Variants in MEI1 observed in about 807,000 individuals in gnomAD.
MEI1 encodes the protein meiosis inhibitor protein 1.
MEI1 carries 103 observed loss-of-function variants against 146.2 expected under a neutral mutation model. That is an observed-to-expected ratio of 0.70 (90% confidence interval 0.60 to 0.83). The LOEUF is 0.83. Among genes scored for constraint, MEI1 ranks in the 40% least tolerant of loss-of-function variants. The pLI is 0.00. For missense variants in MEI1, 1,529 were observed against 1,533.0 expected (o/e 1.00, Z 0.04); for synonymous variants, 652 against 628.2 (o/e 1.04, Z -0.57).
chr22:41,752,659 TG>T lies in MEI1; in HGVS notation c.1853+10del. The T allele has an allele frequency of 6.3e-7, 1 of 1,589,310 alleles. No homozygotes were observed. Among genetic ancestry groups the T allele is most frequent in the Non-Finnish European group, 8.6e-7 (1 of 1,167,762 alleles). On this transcript the variant is annotated intron_variant, in intron 16 of 30. Coordinates refer to ENST00000401548, the MANE Select transcript of MEI1 (RefSeq NM_152513.4). ...GTTTTGCAGTGGTCTGAGGTATGTG[TG>T]GTCCCAGGCAAGATTGAGTGGCCAA...
At chr22:41,704,948 T>C (rs573597563) in intron 2 of MEI1, among the ~76,000 whole-genome samples, 1 of 149,984 alleles carries the variant, frequency 6.7e-6, no homozygotes, top group East Asian at 2.0e-4. Flanking sequence ...TCTCCTGACC[T>C]CGTGATCCAC....
At chr22:41,705,312 C>T (rs751225314) in intron 2 of MEI1, among the ~76,000 whole-genome samples, 192 bp from the exon 3 acceptor site, 2 of 151,906 alleles carry the variant, frequency 1.3e-5, no homozygotes. Context: ...GCTGGGACTA[C>T]AGGCACAGGC....
At chr22:41,726,726 A>C (rs1209850244) in intron 7 of MEI1, among the ~76,000 whole-genome samples, 1 of 151,352 alleles carries the variant, frequency 6.6e-6, no homozygotes, top group African/African-American at 2.4e-5. Context: ...TAGCATCTTA[A>C]GATACAATAT....
intron 7 of MEI1, among the ~76,000 whole-genome samples, chr22:41,727,427 A>G (rs1029762639): frequency 5.9e-5 from 9 of 152,216 alleles, no homozygotes; most frequent in South Asian, 2.1e-4. Flanking sequence ...TCAGAGTGCA[A>G]TGGAAATTCA....
chr22:41,713,483 GA>G (rs57285035), intron 3 of MEI1, among the ~76,000 whole-genome samples: 7 of 146,436 alleles, frequency 4.8e-5, no homozygotes, highest in Admixed American at 6.8e-5. Context: ...AAAATCAAAA[GA>G]AAAAAAAAAA....
intron 9 of MEI1, among the ~76,000 whole-genome samples, chr22:41,731,383 C>T (rs1303824334): frequency 6.6e-6 from 1 of 151,770 alleles, no homozygotes. Context: ...GAGTCCTGCT[C>T]TGTCACCCAG....
At chr22:41,764,027 C>T (rs943733372) in intron 19 of MEI1, among the ~76,000 whole-genome samples, 2 of 143,588 alleles carry the variant, frequency 1.4e-5, no homozygotes, top group Non-Finnish European at 3.0e-5. Context: ...GTGGCAGGAT[C>T]GCTGCTGACC....
intron 6 of MEI1, among the ~76,000 whole-genome samples, chr22:41,721,545 G>A (rs1241162932): frequency 2.6e-5 from 3 of 117,562 alleles, no homozygotes; most frequent in Admixed American, 8.3e-5. Context: ...TGCCCAGCCC[G>A]TGCCTGGCTA....
chr22:41,766,170 G>A (rs1315953574), intron 19 of MEI1, among the ~76,000 whole-genome samples: 2 of 120,834 alleles, frequency 1.7e-5, no homozygotes, highest in East Asian at 5.1e-4. Context: ...CCACCGTGCC[G>A]GCCATACGGT....
intron 6 of MEI1, among the ~76,000 whole-genome samples, chr22:41,718,708 A>G (rs2070443630): frequency 6.6e-6 from 1 of 152,122 alleles, no homozygotes; most frequent in Non-Finnish European, 1.5e-5. Context: ...ATAATGAAAA[A>G]CTTATTGGTT....
intron 27 of MEI1, 23 bp from the exon 28 acceptor site, chr22:41,794,348 T>G: frequency 6.2e-7 from 1 of 1,603,680 alleles, no homozygotes; most frequent in Non-Finnish European, 8.5e-7. Flanking sequence ...TTGGAAGCAT[T>G]AACAACCCAG....
At chr22:41,715,897 G>C in intron 4 of MEI1, 144 bp from the exon 5 acceptor site, 2 of 604,314 alleles carry the variant, frequency 3.3e-6, no homozygotes, top group Non-Finnish European at 5.9e-6. Flanking sequence ...GGGGGAGCTG[G>C]ACACTAAGCT....
At chr22:41,791,898 A>G (rs550145715) in intron 26 of MEI1, among the ~76,000 whole-genome samples, 5 of 152,366 alleles carry the variant, frequency 3.3e-5, no homozygotes, top group African/African-American at 1.2e-4. Flanking sequence ...AAGAGCACAT[A>G]TTATGATTCT....
intron 1 of MEI1, among the ~76,000 whole-genome samples, chr22:41,700,749 ATTTTT>A (rs78862314): frequency 1.8e-4 from 21 of 117,640 alleles, no homozygotes; most frequent in South Asian, 1.3e-3. Context: ...GCAGTTCTCA[ATTTTT>A]TTTTTTTTTT....
rs944966125 is a variant in MEI1 at position 41,705,855 on chromosome 22, C to T, written c.349+301C>T. On this transcript the variant is annotated intron_variant, in intron 3 of 30. Transcript: ENST00000401548. ...CCCGAGTAGCTGGGATTACAGGCATCTGCCACCACACCCAGCTAATTTTTG... is the reference window on the plus strand; with the variant it reads ...CCCGAGTAGCTGGGATTACAGGCATTTGCCACCACACCCAGCTAATTTTTG... Among the ~76,000 whole-genome samples the T allele has an allele frequency of 2.7e-5, 4 of 150,638 alleles. No individual in the cohort carries two copies. In the East Asian group the frequency reaches 7.9e-4, roughly 30 times the overall value.
At chr22:41,763,843 C>T (rs2074668077) in intron 19 of MEI1, among the ~76,000 whole-genome samples, 1 of 151,952 alleles carries the variant, frequency 6.6e-6, no homozygotes, top group African/African-American at 2.4e-5. Context: ...TTTTTGAAAA[C>T]TGGTAACCAC....
chr22:41,795,314 T>TGGA lies in MEI1; in HGVS notation c.3535-97_3535-96insGGA. On this transcript the variant is annotated intron_variant, in intron 28 of 30. Coordinates refer to ENST00000401548, the MANE Select transcript of MEI1 (RefSeq NM_152513.4). This position sits in a 1 kb window ranked among gnomAD's most constrained non-coding sequence, Gnocchi z 4.2. ...TGAAGGCAGGCAGGTTCTGTGGGCT[T>TGGA]CAGGACAGTGTCTCCTAAAGTTGGG... is the stretch of plus-strand genomic sequence containing the variant. The TGGA allele has an allele frequency of 1.3e-6, 2 of 1,529,206 alleles. No individual in the cohort carries two copies. Among genetic ancestry groups the TGGA allele is most frequent in the Admixed American group, 3.5e-5 (2 of 56,764 alleles). 94.7% of individuals were successfully genotyped at this position (1,529,206 alleles called of 1,614,324 possible). A position where few individuals can be genotyped will look rare whatever the true frequency, so the allele number is the denominator to read the frequency against.
At chr22:41,722,041 A>G (rs1302111542) in intron 6 of MEI1, 4 of 149,612 alleles carry the variant, frequency 2.7e-5, no homozygotes, top group African/African-American at 7.4e-5. Context: ...TTTTTAAATA[A>G]TAAAAAAAAT....
At chr22:41,760,319 TAAAA>T (rs575438849) in intron 18 of MEI1, among the ~76,000 whole-genome samples, 5 of 139,538 alleles carry the variant, frequency 3.6e-5, no homozygotes, top group Non-Finnish European at 6.3e-5. Flanking sequence ...CAAAAAAAAA[TAAAA>T]AAAAGAATAA....
Sources: allele counts gnomAD v4.1 joint callset (sites outside exome capture counted in the v4.1 genomes callset), GRCh38; gene constraint gnomAD v4.1.1; non-coding constraint Gnocchi (gnomAD v3.1); transcripts MANE v1.5; gene names NCBI Gene and HGNC (gene_info 2026-07-23, HGNC 2026-07-21).